The following GLT1D1 variants were observed in gnomAD, a reference collection of about 807,000 sequenced individuals.
GLT1D1 encodes glycosyltransferase 1 domain-containing protein 1.
A neutral mutation model predicts 28.7 loss-of-function variants in GLT1D1; 21 were observed. The observed-to-expected ratio is 0.73, with a 90% CI of 0.52 to 1.05. GLT1D1 has a LOEUF of 1.05. Among genes scored for constraint, GLT1D1 ranks in the 50% least tolerant of loss-of-function variants. The pLI is 0.00. For missense variants in GLT1D1, 343 were observed against 330.6 expected, an observed-to-expected ratio of 1.04 and a Z score of -0.29; for synonymous variants, 147 against 124.8, an observed-to-expected ratio of 1.18 and a Z score of -1.19.
chr12:128,853,653 G>C lies in GLT1D1; in HGVS notation c.68+4G>C. ...CGGTCACGGCCCAGCGCGTTCGGTA[G>C]GTGCAGGGCGCCGGGGCCTACGAAG... On this transcript the variant is annotated splice_donor_region_variant and intron_variant, in intron 1 of 7. Transcript: ENST00000281703. 8.9e-7 allele frequency: 1 copy of C among 1,125,236 alleles called. No individual in the cohort carries two copies. Among genetic ancestry groups the C allele is most frequent in the Non-Finnish European group, 1.1e-6 (1 of 915,924 alleles). 69.7% of individuals were successfully genotyped at this position (1,125,236 alleles called of 1,614,324 possible). A position where few individuals can be genotyped will look rare whatever the true frequency, so the allele number is the denominator to read the frequency against.
chr12:128,923,864 C>T (rs1046540821), intron 4 of GLT1D1, among the ~76,000 whole-genome samples: 3 of 152,030 alleles, frequency 2.0e-5, no homozygotes, highest in Non-Finnish European at 4.4e-5. Context: ...GGAATTTGGA[C>T]TGTGAAGCAA....
At chr12:128,973,179 GTTTTTTTTTTT>G (rs61169176) in intron 7 of GLT1D1, among the ~76,000 whole-genome samples, 4 of 50,958 alleles carry the variant, frequency 7.8e-5, no homozygotes, top group Non-Finnish European at 1.6e-4. Context: ...TGTTTGCTTG[GTTTTTTTTTTT>G]TTTTTTTTTT....
intron 2 of GLT1D1, among the ~76,000 whole-genome samples, 157 bp from the exon 3 acceptor site, chr12:128,888,482 A>G (rs1288208511): frequency 6.6e-6 from 1 of 152,208 alleles, no homozygotes; most frequent in Admixed American, 6.5e-5. Flanking sequence ...AGTGATACCT[A>G]TTCTGCTATC....
At chr12:128,933,634 T>TA (rs1480057812) in intron 4 of GLT1D1, among the ~76,000 whole-genome samples, 1 of 152,152 alleles carries the variant, frequency 6.6e-6, no homozygotes, top group Non-Finnish European at 1.5e-5. Flanking sequence ...CCAGTGCACT[T>TA]ACTGCTTCCT....
At chr12:128,908,354 TTC>T (rs947244440) in intron 4 of GLT1D1, among the ~76,000 whole-genome samples, 3 of 27,358 alleles carry the variant, frequency 1.1e-4, no homozygotes, top group Non-Finnish European at 2.5e-4. Flanking sequence ...TTCCCTTTCT[TTC>T]TTTCTTTTCT....
At chr12:128,865,721 C>T (rs553060475) in intron 1 of GLT1D1, among the ~76,000 whole-genome samples, 100 of 152,080 alleles carry the variant, frequency 6.6e-4, no homozygotes, top group Admixed American at 2.6e-4. Context: ...ACTCGGGAGG[C>T]GGAGGCAGGA....
chr12:128,939,858 A>G (rs1874992933), intron 4 of GLT1D1, among the ~76,000 whole-genome samples: 1 of 88,156 alleles, frequency 1.1e-5, no homozygotes. Context: ...CCGCCGATCC[A>G]ATCACCTCCT....
chr12:128,862,054 C>T (rs184621167), intron 1 of GLT1D1, among the ~76,000 whole-genome samples: 2 of 152,214 alleles, frequency 1.3e-5, no homozygotes, highest in African/African-American at 2.4e-5. Flanking sequence ...TGAGGCCAGC[C>T]GCGGTGGCTC....
chr12:128,962,073 G>GC (rs537931911), intron 7 of GLT1D1, among the ~76,000 whole-genome samples: 1 of 116,948 alleles, frequency 8.6e-6, no homozygotes, highest in African/African-American at 3.2e-5. Flanking sequence ...CCATGTCTGT[G>GC]CCCCGTCCCC....
chr12:128,923,719 A>G (rs639150), intron 4 of GLT1D1, among the ~76,000 whole-genome samples: 128,472 of 151,610 alleles, frequency 0.85, 54,912 homozygotes, highest in Admixed American at 0.91. Context: ...ACGGGATTTC[A>G]CCACGTTGGT....
chr12:128,905,137 T>TGCA (rs1870720656), intron 4 of GLT1D1, among the ~76,000 whole-genome samples: 1 of 152,178 alleles, frequency 6.6e-6, no homozygotes, highest in South Asian at 2.1e-4. Flanking sequence ...AAGCTAAGGG[T>TGCA]GCAGGTCATG....
chr12:128,893,011 C>T (rs778035176), intron 3 of GLT1D1, among the ~76,000 whole-genome samples: 6 of 151,998 alleles, frequency 3.9e-5, no homozygotes, highest in Admixed American at 1.3e-4. Context: ...TTTGAGAGGC[C>T]GAAGCGGGTG....
At chr12:128,872,679 G>A (rs873668) in intron 1 of GLT1D1, among the ~76,000 whole-genome samples, 2,610 of 152,152 alleles carry the variant, frequency 0.017, 157 homozygotes, top group Admixed American at 0.1. Flanking sequence ...AGCTGAATAC[G>A]GTGAGCTCTT....
At chr12:128,888,956 C>T (rs1593087195) in intron 3 of GLT1D1, among the ~76,000 whole-genome samples, 1 of 152,154 alleles carries the variant, frequency 6.6e-6, no homozygotes, top group African/African-American at 2.4e-5. Context: ...TCTTCAACTA[C>T]AGTTAATATT....
intron 1 of GLT1D1, among the ~76,000 whole-genome samples, chr12:128,868,272 G>A (rs1346078881): frequency 6.6e-6 from 1 of 152,184 alleles, no homozygotes; most frequent in South Asian, 2.1e-4. Flanking sequence ...CTGAAAACAC[G>A]ACCCAGGTCC....
chr12:128,900,210 A>C (rs917162798), intron 4 of GLT1D1, among the ~76,000 whole-genome samples: 8 of 152,178 alleles, frequency 5.3e-5, no homozygotes, highest in African/African-American at 1.9e-4. Flanking sequence ...TGGCGGTGGG[A>C]ACTGCATTGA....
Position 128,923,711 on chromosome 12 carries a change from G to A in GLT1D1, c.376-21615G>A, listed in dbSNP as rs185583749. Among the ~76,000 whole-genome samples the A allele has an allele frequency of 2.7e-3, 409 of 151,870 alleles. 2 individuals carry two copies. The highest frequency in any genetic ancestry group is 0.02 in the South Asian group (98 of 4,792). Reference sequence around the variant, plus strand: ...TAATTTTTGTATTTTTAGTAGAGACGGGATTTCACCACGTTGGTCAGGCTG... The same window carrying A: ...TAATTTTTGTATTTTTAGTAGAGACAGGATTTCACCACGTTGGTCAGGCTG... On this transcript the variant is annotated intron_variant, in intron 4 of 7. Coordinates refer to ENST00000281703, the MANE Select transcript of GLT1D1 (RefSeq NM_144669.3).
At chr12:128,955,720 A>G (rs1877207441) in intron 6 of GLT1D1, among the ~76,000 whole-genome samples, 1 of 152,056 alleles carries the variant, frequency 6.6e-6, no homozygotes, top group Non-Finnish European at 1.5e-5. Context: ...TCCTATTTCC[A>G]GCTGGGACTC....
chr12:128,952,174 C>T (rs1292596526), intron 6 of GLT1D1, among the ~76,000 whole-genome samples: 1 of 151,892 alleles, frequency 6.6e-6, no homozygotes, highest in Non-Finnish European at 1.5e-5. Context: ...GGGAGATGGG[C>T]AGGAAGCAGG....
Sources: gnomAD v4.1 joint callset for allele counts (sites outside exome capture counted in the v4.1 genomes callset) on GRCh38, gnomAD v4.1.1 for gene constraint, MANE v1.5 for transcripts, NCBI Gene and HGNC (gene_info 2026-07-23, HGNC 2026-07-21) for gene names.